The following SUSD6 variants were observed in gnomAD, a reference collection of about 807,000 sequenced individuals.
The protein encoded by SUSD6 is sushi domain containing 6, also known as sushi domain-containing protein 6.
SUSD6 carries 16 observed loss-of-function variants against 28.4 expected under a neutral mutation model. That is an observed-to-expected ratio of 0.56 (90% CI 0.38 to 0.86). SUSD6 has a LOEUF of 0.86. SUSD6 is among the 40% of genes least tolerant of loss of function. The pLI is 0.00. For missense variants in SUSD6, 341 were observed against 384.2 expected (o/e 0.89, Z 0.94); for synonymous variants, 147 against 159.6 (o/e 0.92, Z 0.59).
At chr14:69,696,970 G>A (rs1886233783) in intron 2 of SUSD6, among the ~76,000 whole-genome samples, 1 of 152,170 alleles carries the variant, frequency 6.6e-6, no homozygotes, top group African/African-American at 2.4e-5. Flanking sequence ...GTGTGGCATG[G>A]GCTACTCGGC....
intron 1 of SUSD6, among the ~76,000 whole-genome samples, chr14:69,616,239 T>C (rs551321717): frequency 6.6e-6 from 1 of 152,322 alleles, no homozygotes; most frequent in South Asian, 2.1e-4. Flanking sequence ...GGGACACAAA[T>C]AGAGATCTTT....
intron 2 of SUSD6, among the ~76,000 whole-genome samples, chr14:69,691,895 C>A (rs1446514550): frequency 1.3e-5 from 2 of 152,050 alleles, no homozygotes. Context: ...AAAAATTAGC[C>A]CGGTGTGGTG....
rs146067742 is a variant in SUSD6 at position 69,681,888 on chromosome 14, G to A, written c.122-21507G>A. 5.9e-3 allele frequency among the ~76,000 whole-genome samples: 901 copies of A among 152,294 alleles called. 17 individuals carry two copies. The highest frequency in any genetic ancestry group is 3.7e-3 in the Non-Finnish European group (252 of 68,018). On this transcript the variant is annotated intron_variant, in intron 2 of 5. Coordinates refer to ENST00000342745, the MANE Select transcript of SUSD6 (RefSeq NM_014734.4). ...GGGTCTGAGCACTCACAAATTCTGG[G>A]TTACTGTGTTAAATACTGTGTTAAA...
intron 1 of SUSD6, chr14:69,615,381 C>T (rs1884944821): frequency 6.6e-6 from 1 of 152,196 alleles, no homozygotes; most frequent in Non-Finnish European, 1.5e-5. Context: ...GTGTAAGAAC[C>T]TTTCATCTTA....
At chr14:69,690,250 C>T (rs1053879847) in intron 2 of SUSD6, among the ~76,000 whole-genome samples, 4 of 152,216 alleles carry the variant, frequency 2.6e-5, no homozygotes, top group African/African-American at 9.7e-5. Context: ...TGAGACTCTA[C>T]TCCTGACTGT....
intron 1 of SUSD6, among the ~76,000 whole-genome samples, chr14:69,638,270 A>C (rs1420284775): frequency 1.3e-5 from 2 of 152,116 alleles, no homozygotes; most frequent in Non-Finnish European, 1.5e-5. Flanking sequence ...GATGGGCTGA[A>C]TCACTCACTT....
chr14:69,654,208 G>A lies in SUSD6; in HGVS notation c.-80-4305G>A, dbSNP rs145457464. ...TCAGGAACTCATACATGTACATCTT[G>A]TCTGCTCCATTTCCATACCGGCTCC... On this transcript the variant is annotated intron_variant, in intron 1 of 5. Transcript: ENST00000342745. Among the ~76,000 whole-genome samples, 289 of 152,300 alleles carry A rather than the reference G, an allele frequency of 1.9e-3. 1 individual carries two copies. The highest frequency in any genetic ancestry group is 6.8e-3 in the Middle Eastern group (2 of 294).
intron 1 of SUSD6, among the ~76,000 whole-genome samples, chr14:69,644,267 A>C (rs1049713809): frequency 2.0e-5 from 3 of 152,104 alleles, no homozygotes; most frequent in Non-Finnish European, 4.4e-5. Flanking sequence ...GAAATATCAA[A>C]TTCTCTCATT....
chr14:69,664,806 C>A (rs1398613623), intron 2 of SUSD6, among the ~76,000 whole-genome samples: 2 of 152,202 alleles, frequency 1.3e-5, no homozygotes, highest in Non-Finnish European at 2.9e-5. Context: ...AGAGGTTATT[C>A]TTCTTACCTA....
chr14:69,701,365 A>G (rs1022677481), intron 2 of SUSD6, among the ~76,000 whole-genome samples: 3 of 152,142 alleles, frequency 2.0e-5, no homozygotes, highest in Admixed American at 1.3e-4. Flanking sequence ...TTCCCAGCAC[A>G]TTGGACTTGT....
chr14:69,697,323 A>G (rs142317881), intron 2 of SUSD6, among the ~76,000 whole-genome samples: 2 of 152,272 alleles, frequency 1.3e-5, no homozygotes, highest in East Asian at 1.9e-4. Flanking sequence ...GTGACCTCCT[A>G]TCTCATCCTA....
At chr14:69,696,127 C>G (rs1037432768) in intron 2 of SUSD6, among the ~76,000 whole-genome samples, 1 of 152,220 alleles carries the variant, frequency 6.6e-6, no homozygotes, top group African/African-American at 2.4e-5. Flanking sequence ...TTTCCTGATG[C>G]CCTGCCCCCC....
intron 2 of SUSD6, among the ~76,000 whole-genome samples, chr14:69,702,361 G>A (rs753595915): frequency 3.3e-5 from 5 of 152,238 alleles, no homozygotes; most frequent in African/African-American, 7.2e-5. Flanking sequence ...ACCACCTGGG[G>A]TCTTCAGTTT....
intron 2 of SUSD6, among the ~76,000 whole-genome samples, chr14:69,661,986 G>C (rs1885669110): frequency 6.6e-6 from 1 of 152,022 alleles, no homozygotes; most frequent in South Asian, 2.1e-4. Context: ...AATTTTTTAT[G>C]TTGCCCAGGC....
intron 1 of SUSD6, among the ~76,000 whole-genome samples, chr14:69,648,991 T>A (rs1885466656): frequency 6.6e-6 from 1 of 152,176 alleles, no homozygotes; most frequent in East Asian, 1.9e-4. Context: ...AGCTCTAAAT[T>A]TGTGCATGGG....
At chr14:69,649,809 A>G (rs1041457046) in intron 1 of SUSD6, among the ~76,000 whole-genome samples, 2 of 152,200 alleles carry the variant, frequency 1.3e-5, no homozygotes, top group African/African-American at 2.4e-5. Flanking sequence ...ATTCTCCCCA[A>G]ACTAAGATGG....
At chr14:69,619,180 C>T (rs549038611) in intron 1 of SUSD6, among the ~76,000 whole-genome samples, 5 of 152,170 alleles carry the variant, frequency 3.3e-5, no homozygotes, top group Admixed American at 2.6e-4. Context: ...AGCAGGGTGT[C>T]GTGGTTCATA....
At chr14:69,675,793 T>C (rs1388443575) in intron 2 of SUSD6, among the ~76,000 whole-genome samples, 2 of 152,220 alleles carry the variant, frequency 1.3e-5, no homozygotes, top group African/African-American at 2.4e-5. Context: ...ATTATTGTTA[T>C]TATTTTTAGA....
chr14:69,668,856 A>T (rs573000055), intron 2 of SUSD6, among the ~76,000 whole-genome samples: 1 of 151,632 alleles, frequency 6.6e-6, no homozygotes, highest in South Asian at 2.1e-4. Flanking sequence ...CCCCACCTCC[A>T]CTTTCTCCCT....
Sources: gnomAD v4.1 joint callset for allele counts (sites outside exome capture counted in the v4.1 genomes callset) on GRCh38, gnomAD v4.1.1 for gene constraint, MANE v1.5 for transcripts, NCBI Gene and HGNC (gene_info 2026-07-23, HGNC 2026-07-21) for gene names.